DGKI: variants seen among roughly 807,000 people sequenced by gnomAD.
DGKI encodes diacylglycerol kinase iota.
A neutral mutation model predicts 147.5 loss-of-function variants in DGKI; 55 were observed. That is an observed-to-expected ratio of 0.37 (90% CI 0.30 to 0.47). DGKI has a LOEUF of 0.47. Among genes scored for constraint, DGKI ranks in the 20% least tolerant of loss-of-function variants. The pLI is 1.00. For missense variants in DGKI, 1,007 were observed against 1,323.8 expected (o/e 0.76, Z 3.71); for synonymous variants, 469 against 477.1 (o/e 0.98, Z 0.22).
Position 137,412,806 on chromosome 7 carries a change from T to C in DGKI, c.2762-599A>G, listed in dbSNP as rs543155905. ...AAAGAGGAATCAAGTCTATTTTAATTGTGTGCTTGAGAAAACAACCACGTG... is the reference window on the plus strand; with the variant it reads ...AAAGAGGAATCAAGTCTATTTTAATCGTGTGCTTGAGAAAACAACCACGTG... On this transcript the variant is annotated intron_variant, in intron 28 of 32. Coordinates refer to ENST00000614521, the MANE Select transcript of DGKI (RefSeq NM_001321708.2). Among the ~76,000 whole-genome samples the C allele has an allele frequency of 1.3e-3, 202 of 152,326 alleles. 2 individuals are homozygous for C. The highest frequency in any genetic ancestry group is 4.7e-3 in the African/African-American group (196 of 41,576).
chr7:137,463,127 A>C (rs925543159), intron 27 of DGKI, among the ~76,000 whole-genome samples: 1 of 152,192 alleles, frequency 6.6e-6, no homozygotes, highest in Non-Finnish European at 1.5e-5. Context: ...ACCACGTGTC[A>C]CTTTCAAGCT....
At chr7:137,829,672 G>A (rs968576574) in intron 1 of DGKI, among the ~76,000 whole-genome samples, 1 of 152,200 alleles carries the variant, frequency 6.6e-6, no homozygotes, top group Non-Finnish European at 1.5e-5. Flanking sequence ...GTATTGAACG[G>A]CATAGCCTTT....
chr7:137,612,223 T>G (rs928459510), intron 8 of DGKI, among the ~76,000 whole-genome samples: 4 of 143,030 alleles, frequency 2.8e-5, no homozygotes, highest in Non-Finnish European at 6.1e-5. Context: ...AAAACGGGCT[T>G]TTTTTTTTTT....
intron 6 of DGKI, 69 bp downstream of exon 6, chr7:137,645,403 C>T: frequency 4.4e-6 from 6 of 1,356,352 alleles, no homozygotes; most frequent in Non-Finnish European, 6.2e-6. Flanking sequence ...GGACAGGACT[C>T]ATCTACCTCA....
chr7:137,641,753 G>A (rs1233363495), intron 6 of DGKI, among the ~76,000 whole-genome samples: 1 of 152,104 alleles, frequency 6.6e-6, no homozygotes, highest in Admixed American at 6.5e-5. Flanking sequence ...ATTGATGTTG[G>A]AAATTTTTAA....
intron 3 of DGKI, among the ~76,000 whole-genome samples, chr7:137,658,961 A>G (rs1822321227): frequency 6.6e-6 from 1 of 152,380 alleles, no homozygotes; most frequent in South Asian, 2.1e-4. Flanking sequence ...TAACTGAACT[A>G]TATTGATTTT....
chr7:137,580,221 G>A (rs1819141127), intron 15 of DGKI, among the ~76,000 whole-genome samples: 1 of 151,898 alleles, frequency 6.6e-6, no homozygotes, highest in Non-Finnish European at 1.5e-5. Flanking sequence ...AGAAGTTTGG[G>A]GTATTTTATT....
At chr7:137,753,065 C>T (rs766616474) in intron 1 of DGKI, among the ~76,000 whole-genome samples, 2 of 151,884 alleles carry the variant, frequency 1.3e-5, no homozygotes, top group African/African-American at 4.8e-5. Flanking sequence ...CACACACACA[C>T]GCACACCCAC....
At chr7:137,630,985 G>GT (rs141900290) in intron 6 of DGKI, among the ~76,000 whole-genome samples, 4,625 of 151,438 alleles carry the variant, frequency 0.031, 171 homozygotes, top group African/African-American at 0.092. Flanking sequence ...ACAAAGCAGG[G>GT]TTTTTTTTGA....
chr7:137,611,347 G>A (rs764382407), intron 8 of DGKI, among the ~76,000 whole-genome samples: 1 of 152,076 alleles, frequency 6.6e-6, no homozygotes, highest in Non-Finnish European at 1.5e-5. Flanking sequence ...AAAAATGCTC[G>A]TGCCCGGGCC....
intron 12 of DGKI, among the ~76,000 whole-genome samples, chr7:137,590,277 G>T (rs1819561902): frequency 6.6e-6 from 1 of 152,200 alleles, no homozygotes; most frequent in Non-Finnish European, 1.5e-5. Flanking sequence ...CCAGTCTGAG[G>T]TCATGGCCCA....
At chr7:137,564,882 G>A (rs1275553666) in intron 19 of DGKI, among the ~76,000 whole-genome samples, 1 of 152,188 alleles carries the variant, frequency 6.6e-6, no homozygotes, top group Non-Finnish European at 1.5e-5. Context: ...GACCCCCAAC[G>A]CCTTGCGGGG....
intron 1 of DGKI, among the ~76,000 whole-genome samples, chr7:137,767,746 T>C (rs1405180500): frequency 6.6e-6 from 1 of 152,238 alleles, no homozygotes; most frequent in Non-Finnish European, 1.5e-5. Flanking sequence ...ACTACCTACA[T>C]GACTTTGGAA....
chr7:137,536,900 A>C (rs1230527209), intron 20 of DGKI, among the ~76,000 whole-genome samples: 1 of 152,026 alleles, frequency 6.6e-6, no homozygotes, highest in Non-Finnish European at 1.5e-5. Context: ...TCATTTAAAA[A>C]ATTCAAAACA....
chr7:137,565,655 A>G (rs936108249), intron 19 of DGKI, among the ~76,000 whole-genome samples: 1 of 152,188 alleles, frequency 6.6e-6, no homozygotes, highest in Admixed American at 6.5e-5. Context: ...TAGGTTCCCA[A>G]TTCCTCTGAC....
chr7:137,812,825 C>A (rs1797629343), intron 1 of DGKI, among the ~76,000 whole-genome samples: 1 of 152,150 alleles, frequency 6.6e-6, no homozygotes, highest in Non-Finnish European at 1.5e-5. Context: ...CTATGTTGCG[C>A]CTTTGTGTGA....
intron 1 of DGKI, among the ~76,000 whole-genome samples, chr7:137,835,732 T>C (rs1798358742): frequency 6.6e-6 from 1 of 152,224 alleles, no homozygotes; most frequent in Non-Finnish European, 1.5e-5. Context: ...CAGCTAGTGA[T>C]TCCAACTTTG....
At chr7:137,475,366 T>C (rs938717430) in intron 23 of DGKI, among the ~76,000 whole-genome samples, 6 of 152,212 alleles carry the variant, frequency 3.9e-5, no homozygotes, top group Non-Finnish European at 8.8e-5. Context: ...TTAGATGTTA[T>C]ATAATTGTCT....
chr7:137,685,942 C>T (rs1334977222), intron 2 of DGKI, among the ~76,000 whole-genome samples: 1 of 152,154 alleles, frequency 6.6e-6, no homozygotes, highest in African/African-American at 2.4e-5. Flanking sequence ...CCTGTCAACT[C>T]CCAGCGAAAT....
Sources: gnomAD v4.1 joint callset for allele counts (sites outside exome capture counted in the v4.1 genomes callset) on GRCh38, gnomAD v4.1.1 for gene constraint, MANE v1.5 for transcripts, NCBI Gene and HGNC (gene_info 2026-07-23, HGNC 2026-07-21) for gene names.